VEPH1: variants seen among roughly 807,000 people sequenced by gnomAD.
The protein encoded by VEPH1 is ventricular zone-expressed PH domain-containing protein homolog 1.
VEPH1 carries 80 observed loss-of-function variants against 85.2 expected under a neutral mutation model. The observed-to-expected ratio is 0.94, with a 90% CI of 0.78 to 1.13. The LOEUF is 1.13. VEPH1 is among the 50% of genes most tolerant of loss of function. VEPH1 has a pLI of 0.00. For missense variants in VEPH1, 955 were observed against 980.5 expected (o/e 0.97, Z 0.35); for synonymous variants, 297 against 348.0 (o/e 0.85, Z 1.63).
At chr3:157,417,440 C>T (rs1404216296) in intron 5 of VEPH1, among the ~76,000 whole-genome samples, 1 of 152,176 alleles carries the variant, frequency 6.6e-6, no homozygotes, top group Non-Finnish European at 1.5e-5. Context: ...AAGTCTCTGT[C>T]CCTTCTGTTC....
intron 11 of VEPH1, among the ~76,000 whole-genome samples, chr3:157,295,229 C>T (rs1188894681): frequency 2.6e-5 from 4 of 152,090 alleles, no homozygotes; most frequent in Non-Finnish European, 5.9e-5. Flanking sequence ...ATCTGTGATG[C>T]CCCCAGAAAC....
intron 11 of VEPH1, among the ~76,000 whole-genome samples, chr3:157,291,203 G>A (rs1181129699): frequency 6.6e-6 from 1 of 152,168 alleles, no homozygotes. Flanking sequence ...ATGTAAGCAA[G>A]TATTTTTAAA....
At chr3:157,433,359 T>C (rs1007603718) in intron 4 of VEPH1, among the ~76,000 whole-genome samples, 3 of 152,180 alleles carry the variant, frequency 2.0e-5, no homozygotes, top group African/African-American at 7.2e-5. Flanking sequence ...TCTGTTTCTA[T>C]AGGTTTTGGT....
At chr3:157,311,539 T>TA (rs1720111124) in intron 11 of VEPH1, among the ~76,000 whole-genome samples, 1 of 152,228 alleles carries the variant, frequency 6.6e-6, no homozygotes, top group Non-Finnish European at 1.5e-5. Context: ...ATTGCAGATA[T>TA]CAAAGTTTTT....
chr3:157,395,714 T>G (rs929402140), intron 6 of VEPH1, among the ~76,000 whole-genome samples: 3 of 152,206 alleles, frequency 2.0e-5, no homozygotes, highest in Admixed American at 6.5e-5. Flanking sequence ...TTTCTTTTTT[T>G]TTAACTTTTA....
intron 2 of VEPH1, among the ~76,000 whole-genome samples, chr3:157,481,402 A>G (rs1486937704): frequency 6.8e-6 from 1 of 147,116 alleles, no homozygotes. Context: ...ACAGAATTAG[A>G]GAAAACTATT....
chr3:157,456,924 T>C (rs1306644856), intron 4 of VEPH1, among the ~76,000 whole-genome samples: 1 of 152,180 alleles, frequency 6.6e-6, no homozygotes, highest in Non-Finnish European at 1.5e-5. Context: ...TCATTAGTAA[T>C]TTAATAGGAA....
At chr3:157,331,908 GC>G (rs1350845006) in intron 9 of VEPH1, among the ~76,000 whole-genome samples, 5 of 152,174 alleles carry the variant, frequency 3.3e-5, no homozygotes, top group African/African-American at 1.2e-4. Context: ...ACACCATGCT[GC>G]TACACAACCT....
chr3:157,330,888 A>T (rs1259521600), intron 9 of VEPH1, among the ~76,000 whole-genome samples: 1 of 152,222 alleles, frequency 6.6e-6, no homozygotes, highest in Non-Finnish European at 1.5e-5. Context: ...AAAGATGGAG[A>T]TACATAAACA....
chr3:157,480,338 G>T (rs1737916583), intron 2 of VEPH1, among the ~76,000 whole-genome samples: 1 of 151,994 alleles, frequency 6.6e-6, no homozygotes, highest in Non-Finnish European at 1.5e-5. Context: ...GCGTACATCA[G>T]CAGGTTTGTT....
At chr3:157,313,819 T>C in intron 10 of VEPH1, 64 bp from the exon 11 acceptor site, 1 of 1,582,004 alleles carries the variant, frequency 6.3e-7, no homozygotes, top group Non-Finnish European at 8.6e-7. Context: ...ATTGTTTGAT[T>C]GATTTCAAGG....
At chr3:157,321,703 T>C (rs922716376) in intron 9 of VEPH1, among the ~76,000 whole-genome samples, 4 of 152,270 alleles carry the variant, frequency 2.6e-5, no homozygotes, top group Admixed American at 2.0e-4. Context: ...TATGGGTAGA[T>C]TGTGTTTCTT....
At chr3:157,294,935 A>G (rs532139993) in intron 11 of VEPH1, among the ~76,000 whole-genome samples, 11 of 152,212 alleles carry the variant, frequency 7.2e-5, no homozygotes, top group Non-Finnish European at 1.6e-4. Context: ...AGCTGGAGAC[A>G]TTAGTCTTCC....
At position 157,372,268 on chromosome 3, in the gene VEPH1, A is replaced by G. The variant is rs189896184; in HGVS notation, c.1128-7756T>C. Among the ~76,000 whole-genome samples, 896 of 152,336 alleles carry G rather than the reference A, an allele frequency of 5.9e-3. 11 individuals are homozygous for G. The highest frequency in any genetic ancestry group is 7.1e-3 in the Non-Finnish European group (482 of 68,040). On this transcript the variant is annotated intron_variant, in intron 7 of 13. Transcript: ENST00000362010. ...ATACTGTAACCCAATTTTAATTGAT[A>G]GAAACATAGTTACCCAGAAATGGAG...
intron 10 of VEPH1, among the ~76,000 whole-genome samples, chr3:157,314,133 C>G (rs1473437676): frequency 6.6e-6 from 1 of 151,544 alleles, no homozygotes; most frequent in Admixed American, 6.6e-5. Context: ...GAGATCGAGG[C>G]CATCCTGGCT....
chr3:157,424,254 C>T (rs1732581532), intron 5 of VEPH1, among the ~76,000 whole-genome samples: 1 of 152,220 alleles, frequency 6.6e-6, no homozygotes, highest in South Asian at 2.1e-4. Flanking sequence ...GTGCCTTTTG[C>T]CTCCTGCCAT....
At chr3:157,477,800 C>A (rs191368861) in intron 2 of VEPH1, among the ~76,000 whole-genome samples, 1 of 152,224 alleles carries the variant, frequency 6.6e-6, no homozygotes, top group Non-Finnish European at 1.5e-5. Context: ...AACCTGACAG[C>A]AACAGAAGCT....
intron 6 of VEPH1, among the ~76,000 whole-genome samples, chr3:157,405,586 T>G (rs772279604): frequency 6.6e-6 from 1 of 152,132 alleles, no homozygotes; most frequent in Non-Finnish European, 1.5e-5. Flanking sequence ...GCACTTGAAA[T>G]GCTTCATGGT....
At chr3:157,326,669 A>G (rs769806783) in intron 9 of VEPH1, among the ~76,000 whole-genome samples, 14 of 152,208 alleles carry the variant, frequency 9.2e-5, no homozygotes, top group Non-Finnish European at 1.9e-4. Flanking sequence ...AATTATGGAG[A>G]GAAGGAGAGA....
Sources: allele counts gnomAD v4.1 joint callset (sites outside exome capture counted in the v4.1 genomes callset), GRCh38; gene constraint gnomAD v4.1.1; transcripts MANE v1.5; gene names NCBI Gene and HGNC (gene_info 2026-07-23, HGNC 2026-07-21).